The following UBAP1 variants were observed in gnomAD, a reference collection of about 807,000 sequenced individuals.
UBAP1 encodes the protein ubiquitin associated protein 1.
A neutral mutation model predicts 39.0 loss-of-function variants in UBAP1; 5 were observed. The observed-to-expected ratio is 0.13, with a 90% CI of 0.07 to 0.27. UBAP1 has a LOEUF of 0.27. UBAP1 is among the 10% of genes least tolerant of loss of function. The pLI, the probability that UBAP1 is intolerant of heterozygous loss-of-function variation, is 1.00. For missense variants in UBAP1, 490 were observed against 608.1 expected (o/e 0.81, Z 2.04); for synonymous variants, 211 against 225.1 (o/e 0.94, Z 0.56).
chr9:34,210,973 G>T (rs529051919), intron 1 of UBAP1, among the ~76,000 whole-genome samples: 1 of 151,976 alleles, frequency 6.6e-6, no homozygotes, highest in East Asian at 1.9e-4. Context: ...CTTTATATGT[G>T]GTATAGGGGA....
Position 34,186,261 on chromosome 9 carries a change from G to A in UBAP1, c.-8+7021G>A, listed in dbSNP as rs1229601295. On this transcript the variant is annotated intron_variant, in intron 1 of 6. Coordinates refer to ENST00000297661, the MANE Select transcript of UBAP1 (RefSeq NM_016525.5). ...ATTTTGTACTTCACAAAATAAACTG[G>A]ATAAACTGGATAAATGACTGAAAGT... Among the ~76,000 whole-genome samples, 3 of 152,130 alleles carry A rather than the reference G, an allele frequency of 2.0e-5. No individual in the cohort carries two copies. In the East Asian group the frequency reaches 5.8e-4, roughly 29 times the overall value.
chr9:34,245,863 C>A (rs1428960485), intron 4 of UBAP1, among the ~76,000 whole-genome samples: 10 of 146,672 alleles, frequency 6.8e-5, no homozygotes, highest in African/African-American at 2.5e-4. Flanking sequence ...CATTATCTTT[C>A]CACATTCTAA....
intron 2 of UBAP1, among the ~76,000 whole-genome samples, chr9:34,222,508 T>C (rs1454716325): frequency 1.3e-5 from 2 of 152,134 alleles, no homozygotes; most frequent in Admixed American, 1.3e-4. Context: ...AAGGCAGATC[T>C]GGGCAGGGCA....
chr9:34,209,026 C>T (rs1212492642), intron 1 of UBAP1, among the ~76,000 whole-genome samples: 2 of 151,890 alleles, frequency 1.3e-5, no homozygotes, highest in African/African-American at 2.4e-5. Context: ...CCTCCGCTTC[C>T]TGGGTTCAAG....
In UBAP1 at chr9:34,251,905, C is replaced by G. The variant is rs944964604; in HGVS notation, c.*373C>G. The G allele has an allele frequency of 5.6e-6, 1 of 177,646 alleles. No individual in the cohort carries two copies. Among genetic ancestry groups the G allele is most frequent in the African/African-American group, 2.3e-5 (1 of 42,616 alleles). The allele number at this position is 177,646 out of a possible 1,614,324, so 11.0% of individuals were successfully genotyped here. On this transcript the variant is annotated 3_prime_UTR_variant, in exon 7 of 7. Coordinates refer to ENST00000297661, the MANE Select transcript of UBAP1 (RefSeq NM_016525.5). ...GGGGAGATGGGGCGGGAGGGCCAGA[C>G]TCAGTGCTGCTGTGGAGCTAGGTGC...
chr9:34,182,544 A>G (rs1830100706), intron 1 of UBAP1, among the ~76,000 whole-genome samples: 1 of 152,010 alleles, frequency 6.6e-6, no homozygotes, highest in Non-Finnish European at 1.5e-5. Context: ...TTATAGTTGA[A>G]ATATCATTAG....
intron 1 of UBAP1, among the ~76,000 whole-genome samples, chr9:34,191,393 G>T (rs1035088638): frequency 6.6e-6 from 1 of 152,108 alleles, no homozygotes; most frequent in South Asian, 2.1e-4. Flanking sequence ...CACTGTGCCT[G>T]GCCTGTGTAA....
chr9:34,213,254 T>G (rs1489088611), intron 1 of UBAP1, among the ~76,000 whole-genome samples: 1 of 152,162 alleles, frequency 6.6e-6, no homozygotes, highest in African/African-American at 2.4e-5. Flanking sequence ...ATCACACCTG[T>G]AATCCCAGCA....
At chr9:34,232,217 ACTC>A (rs1833461471) in intron 2 of UBAP1, among the ~76,000 whole-genome samples, 2 of 150,978 alleles carry the variant, frequency 1.3e-5, no homozygotes, top group Admixed American at 1.3e-4. Flanking sequence ...TTAGTCTAGA[ACTC>A]CTGACCTCAG....
chr9:34,210,830 AC>A (rs1162457788), intron 1 of UBAP1, among the ~76,000 whole-genome samples: 1 of 151,450 alleles, frequency 6.6e-6, no homozygotes, highest in African/African-American at 2.4e-5. Context: ...TAATTCACCA[AC>A]CTTTTTTTTT....
chr9:34,243,876 G>A (rs1033039406), intron 4 of UBAP1, among the ~76,000 whole-genome samples: 2 of 151,544 alleles, frequency 1.3e-5, no homozygotes, highest in African/African-American at 2.4e-5. Flanking sequence ...CTTCAACAGA[G>A]TCTCGCTCTG....
intron 1 of UBAP1, among the ~76,000 whole-genome samples, chr9:34,197,677 G>T (rs1283389907): frequency 1.3e-5 from 2 of 152,042 alleles, no homozygotes; most frequent in Admixed American, 6.6e-5. Context: ...AGCCTCCCCA[G>T]TAGCTGGGGT....
intron 1 of UBAP1, among the ~76,000 whole-genome samples, chr9:34,180,680 A>G (rs1380889608): frequency 3.3e-5 from 5 of 152,198 alleles, no homozygotes; most frequent in Non-Finnish European, 5.9e-5. Flanking sequence ...TGCAATAATA[A>G]GAGTCATTAT....
chr9:34,233,561 A>G (rs1047394437), intron 2 of UBAP1, among the ~76,000 whole-genome samples: 1 of 152,196 alleles, frequency 6.6e-6, no homozygotes, highest in Non-Finnish European at 1.5e-5. Context: ...GTGCCAGGCA[A>G]TACTGAAGGT....
intron 1 of UBAP1, among the ~76,000 whole-genome samples, chr9:34,184,463 C>T (rs1010675268): frequency 1.3e-5 from 2 of 150,084 alleles, no homozygotes; most frequent in African/African-American, 5.0e-5. Context: ...AACCCTGTCT[C>T]TACTAAAAAT....
chr9:34,244,084 G>C (rs1288400354), intron 4 of UBAP1, among the ~76,000 whole-genome samples: 2 of 151,874 alleles, frequency 1.3e-5, no homozygotes, highest in Non-Finnish European at 2.9e-5. Context: ...TCCTGACCTC[G>C]TGATCCGCCC....
At chr9:34,218,291 A>AAAAAAAAAC (rs1832458018) in intron 1 of UBAP1, among the ~76,000 whole-genome samples, 1 of 131,712 alleles carries the variant, frequency 7.6e-6, no homozygotes, top group Non-Finnish European at 1.7e-5. Context: ...AAAAAAAAAA[A>AAAAAAAAAC]AAAGCCAAGC....
rs1366546369 is a variant in UBAP1 at position 34,217,195 on chromosome 9, A to G, written c.-7-3713A>G. Among the ~76,000 whole-genome samples, 4 of 152,184 alleles carry G rather than the reference A, an allele frequency of 2.6e-5. No homozygotes were observed. In the South Asian group the frequency reaches 8.3e-4, roughly 32 times the overall value. ...CCTTGGTCAGTCAGAGAATGGAGTC[A>G]TCTGATTTACCATCCTGTGAATGGC... On this transcript the variant is annotated intron_variant, in intron 1 of 6. Coordinates refer to ENST00000297661, the MANE Select transcript of UBAP1 (RefSeq NM_016525.5).
chr9:34,202,624 CGTG>C (rs898096607), intron 1 of UBAP1, among the ~76,000 whole-genome samples: 3 of 107,326 alleles, frequency 2.8e-5, no homozygotes, highest in African/African-American at 1.2e-4. Context: ...TAGACAGAAA[CGTG>C]TGTGTGTGTG....
Sources: allele counts gnomAD v4.1 joint callset (sites outside exome capture counted in the v4.1 genomes callset), GRCh38; gene constraint gnomAD v4.1.1; transcripts MANE v1.5; gene names NCBI Gene and HGNC (gene_info 2026-07-23, HGNC 2026-07-21).